The following INPP5A variants were observed in gnomAD, a reference collection of about 807,000 sequenced individuals.
INPP5A encodes inositol polyphosphate-5-phosphatase A, also known as 43 kDa inositol polyphosphate 5-phophatase.
Under a neutral mutation model 65.2 loss-of-function variants are expected in INPP5A, and 14 were observed. The ratio of observed to expected loss-of-function variants is 0.21; its 90% confidence interval spans 0.14 to 0.34. The LOEUF (loss-of-function observed/expected upper bound fraction) is 0.34. Among genes scored for constraint, INPP5A ranks in the 10% least tolerant of loss-of-function variants. The pLI is 1.00. For missense variants in INPP5A, 431 were observed against 545.6 expected (o/e 0.79, Z 2.09); for synonymous variants, 207 against 208.3 (o/e 0.99, Z 0.05).
intron 1 of INPP5A, among the ~76,000 whole-genome samples, chr10:132,597,210 G>A (rs1398084520): frequency 2.0e-5 from 3 of 152,242 alleles, no homozygotes; most frequent in African/African-American, 4.8e-5. Context: ...CATGGCCGAG[G>A]GTTTATTTTC....
intron 2 of INPP5A, among the ~76,000 whole-genome samples, chr10:132,636,149 A>C (rs2133379723): frequency 7.4e-6 from 1 of 135,654 alleles, no homozygotes; most frequent in East Asian, 2.2e-4. Context: ...AAAATGCTTT[A>C]TTGGATAAAC....
At position 132,651,219 on chromosome 10, in the gene INPP5A, C is replaced by T. The variant is rs2133399438; in HGVS notation, c.306+714C>T. 6.6e-6 allele frequency among the ~76,000 whole-genome samples: 1 copy of T among 152,240 alleles called. No individual in the cohort carries two copies. Among genetic ancestry groups the T allele is most frequent in the South Asian group, 2.1e-4 (1 of 4,820 alleles). ...ACGTCTTAAATCCCGTCTTTATGCC[C>T]TGGGTCCCCCGGCCTGGATCCATCT... On this transcript the variant is annotated intron_variant, in intron 4 of 15. Coordinates refer to ENST00000368594, the MANE Select transcript of INPP5A (RefSeq NM_005539.5). This position sits in a 1 kb window ranked among gnomAD's most constrained non-coding sequence, Gnocchi z 5.0.
intron 1 of INPP5A, among the ~76,000 whole-genome samples, chr10:132,597,090 T>C (rs527920678): frequency 6.6e-6 from 1 of 152,140 alleles, no homozygotes; most frequent in East Asian, 1.9e-4. Context: ...TGTGTGTATG[T>C]GTGCATGTGT....
Position 132,545,357 on chromosome 10 carries a change from G to A in INPP5A, c.75+7186G>A, listed in dbSNP as rs919795679. ...GCATTCGGAAGACTTTGACCAGATC[G>A]GGGCGGCTGAGGGGGCTGCCTACGG... On this transcript the variant is annotated intron_variant, in intron 1 of 15. Coordinates refer to ENST00000368594, the MANE Select transcript of INPP5A (RefSeq NM_005539.5). The surrounding 1 kb of genome is among the most constrained non-coding windows in gnomAD (Gnocchi z 4.6). 6.6e-6 allele frequency among the ~76,000 whole-genome samples: 1 copy of A among 152,192 alleles called. No individual in the cohort carries two copies. The highest frequency in any genetic ancestry group is 1.5e-5 in the Non-Finnish European group (1 of 68,034).
In INPP5A at chr10:132,644,647, C is replaced by T. The variant is rs1004051738; in HGVS notation, c.118-1221C>T. On this transcript the variant is annotated intron_variant, in intron 2 of 15. Transcript: ENST00000368594. This position sits in a 1 kb window ranked among gnomAD's most constrained non-coding sequence, Gnocchi z 6.5. ...GGCCCCTTCTCTCCCCGCCTTTCCG[C>T]TCCTCCAAGGAAGCTCGTCCTTTTG... 2.6e-5 allele frequency among the ~76,000 whole-genome samples: 4 copies of T among 152,254 alleles called. No homozygotes were observed. Among genetic ancestry groups the T allele is most frequent in the Admixed American group, 6.5e-5 (1 of 15,290 alleles).
intron 12 of INPP5A, among the ~76,000 whole-genome samples, chr10:132,775,964 C>CG (rs1196000063): frequency 2.0e-5 from 3 of 151,998 alleles, no homozygotes; most frequent in Non-Finnish European, 4.4e-5. Flanking sequence ...CATGTGTGTC[C>CG]GGGGGGCAGT....
intron 1 of INPP5A, among the ~76,000 whole-genome samples, chr10:132,563,256 G>A (rs1178430164): frequency 6.6e-6 from 1 of 152,190 alleles, no homozygotes; most frequent in South Asian, 2.1e-4. Flanking sequence ...CCTGGGGGCT[G>A]GCGGTGGCAT....
Position 132,663,731 on chromosome 10 carries a change from T to C in INPP5A, c.306+13226T>C, listed in dbSNP as rs1357917021. 2.6e-5 allele frequency among the ~76,000 whole-genome samples: 4 copies of C among 152,190 alleles called. No homozygotes were observed. The highest frequency in any genetic ancestry group is 5.9e-5 in the Non-Finnish European group (4 of 68,034). ...ATGACTTTGGGTCATTGCGCTTTCC[T>C]TGCCTTTTGGGGAGGGTCCCTGGTG... On this transcript the variant is annotated intron_variant, in intron 4 of 15. Coordinates refer to ENST00000368594, the MANE Select transcript of INPP5A (RefSeq NM_005539.5). The surrounding 1 kb of genome is among the most constrained non-coding windows in gnomAD (Gnocchi z 4.5).
chr10:132,752,437 G>A (rs1195783237), intron 11 of INPP5A, among the ~76,000 whole-genome samples: 2 of 144,868 alleles, frequency 1.4e-5, no homozygotes, highest in Admixed American at 1.4e-4. Flanking sequence ...GGCGTGTGAT[G>A]TGGAGGGGGC....
At chr10:132,703,766 C>CA (rs1345662673) in intron 6 of INPP5A, among the ~76,000 whole-genome samples, 10 of 74,060 alleles carry the variant, frequency 1.4e-4, no homozygotes, top group African/African-American at 5.1e-4. Context: ...TTCACCCCCC[C>CA]CACACACACA....
rs111424342 is a variant in INPP5A at position 132,704,696 on chromosome 10, C to T, written c.475-3617C>T. ...GGGGCAGTGGCTGTTCCAGGTGGGC[C>T]GTCTCCCCGGAAAGTGCAGGCTGGA... is the stretch of plus-strand genomic sequence containing the variant. On this transcript the variant is annotated intron_variant, in intron 6 of 15. Coordinates refer to ENST00000368594, the MANE Select transcript of INPP5A (RefSeq NM_005539.5). This position sits in a 1 kb window ranked among gnomAD's most constrained non-coding sequence, Gnocchi z 4.5. Among the ~76,000 whole-genome samples, 683 of 152,280 alleles carry T rather than the reference C, an allele frequency of 4.5e-3. 3 individuals are homozygous for T. Among genetic ancestry groups the T allele is most frequent in the African/African-American group, 0.016 (649 of 41,564 alleles).
chr10:132,773,146 G>T (rs1035614837), intron 12 of INPP5A, among the ~76,000 whole-genome samples: 20 of 152,240 alleles, frequency 1.3e-4, no homozygotes, highest in African/African-American at 4.8e-4. Flanking sequence ...TGTCCCGTGT[G>T]CACTCAGCCT....
rs544259959 is a variant in INPP5A at position 132,704,225 on chromosome 10, C to T, written c.475-4088C>T. Among the ~76,000 whole-genome samples the T allele has an allele frequency of 3.0e-4, 46 of 152,094 alleles. No individual in the cohort carries two copies. The highest frequency in any genetic ancestry group is 1.0e-3 in the African/African-American group (42 of 41,426). On this transcript the variant is annotated intron_variant, in intron 6 of 15. Transcript: ENST00000368594. The surrounding 1 kb of genome is among the most constrained non-coding windows in gnomAD (Gnocchi z 4.5). ...GCGCCTTGGCCTGCAGGGACGGTAC[C>T]TTTTCTCCTGGAAAGACGCCTGCCT...
In INPP5A at chr10:132,777,718, C is replaced by G. The variant is rs760947135; in HGVS notation, c.1025C>G (p.Thr342Ser). 6.2e-7 allele frequency: 1 copy of G among 1,613,056 alleles called. No individual in the cohort carries two copies. The change falls in exon 13 of 16, where the codon ACC (threonine) becomes AGC (serine). Residue 342 changes from threonine to serine, a missense_variant. Coordinates refer to ENST00000368594, the MANE Select transcript of INPP5A (RefSeq NM_005539.5). ...CGCCAGGGTGAGCAGTACATGAACA[C>G]CCGGTGCCCAGCCTGGTGTGACCGC... ...DARQGEQYMN[T>S]RCPAWCDRIL... is the part of the protein sequence containing the mutation.
intron 9 of INPP5A, among the ~76,000 whole-genome samples, chr10:132,742,443 A>G (rs1465939726): frequency 1.3e-5 from 2 of 152,116 alleles, no homozygotes; most frequent in Non-Finnish European, 2.9e-5. Context: ...AGTCAGCCCC[A>G]GGTCTGAGCG....
chr10:132,646,041 G>C (rs1338577685), intron 3 of INPP5A, 73 bp downstream of exon 3: 12 of 952,722 alleles, frequency 1.3e-5, no homozygotes, highest in Non-Finnish European at 2.0e-5. Flanking sequence ...GTCTTTTCAT[G>C]GTACTATGAT....
chr10:132,613,224 C>T (rs2071983319), intron 2 of INPP5A, among the ~76,000 whole-genome samples: 1 of 152,110 alleles, frequency 6.6e-6, no homozygotes. Context: ...CCTCCTGTGA[C>T]CTGCAGCCCC....
rs768868119 is a variant in INPP5A, at chr10:132,616,323, C to T, written c.117+8367C>T. ...CAGATGTGCAGTGTGGGGCATGTGG[C>T]GTGCAGGGACGCCGTGGGCGTGGTG... On this transcript the variant is annotated intron_variant, in intron 2 of 15. Transcript: ENST00000368594. This position sits in a 1 kb window ranked among gnomAD's most constrained non-coding sequence, Gnocchi z 4.9. 2.0e-5 allele frequency among the ~76,000 whole-genome samples: 3 copies of T among 151,926 alleles called. No homozygotes were observed. Among genetic ancestry groups the T allele is most frequent in the Non-Finnish European group, 2.9e-5 (2 of 67,976 alleles).
rs141442608 is a variant in INPP5A at position 132,644,288 on chromosome 10, G to A, written c.118-1580G>A. Among the ~76,000 whole-genome samples, 46 of 152,306 alleles carry A rather than the reference G, an allele frequency of 3.0e-4. 1 individual carries two copies. Among genetic ancestry groups the A allele is most frequent in the Admixed American group, 1.3e-3 (20 of 15,312 alleles). On this transcript the variant is annotated intron_variant, in intron 2 of 15. Coordinates refer to ENST00000368594, the MANE Select transcript of INPP5A (RefSeq NM_005539.5). This position sits in a 1 kb window ranked among gnomAD's most constrained non-coding sequence, Gnocchi z 6.5. Reference sequence around the variant, plus strand: ...CAGAGGCGGCTGCGAACTCAGGCACGGCCGCCCTTGTCTCCTGCTGCCGCT... The same window carrying A: ...CAGAGGCGGCTGCGAACTCAGGCACAGCCGCCCTTGTCTCCTGCTGCCGCT...
Sources: gnomAD v4.1 joint callset for allele counts (sites outside exome capture counted in the v4.1 genomes callset) on GRCh38, gnomAD v4.1.1 for gene constraint, Gnocchi (gnomAD v3.1) non-coding constraint, MANE v1.5 for transcripts, NCBI Gene and HGNC (gene_info 2026-07-23, HGNC 2026-07-21) for gene names.